The following WDR90 variants were observed in gnomAD, a reference collection of about 807,000 sequenced individuals.
WDR90 encodes the protein WD repeat domain 90, also known as WD repeat-containing protein 90.
Under a neutral mutation model 195.2 loss-of-function variants are expected in WDR90, and 238 were observed. The observed-to-expected ratio is 1.22, with a 90% CI of 1.10 to 1.36. The LOEUF (loss-of-function observed/expected upper bound fraction) is 1.36. Ranked by LOEUF, WDR90 falls within the 40% of genes most tolerant of loss-of-function variation. The pLI, the probability that WDR90 is intolerant of heterozygous loss-of-function variation, is 0.00. For synonymous variants in WDR90, 1,265 were observed against 1,052.4 expected (o/e 1.20, Z -3.91); for missense variants, 2,734 against 2,439.5 (o/e 1.12, Z -2.54).
Position 655,456 on chromosome 16 carries a change from C to G in WDR90, c.1706C>G (p.Ser569Trp). The G allele has an allele frequency of 6.5e-7, 1 of 1,538,392 alleles. No homozygotes were observed. The highest frequency in any genetic ancestry group is 8.7e-7 in the Non-Finnish European group (1 of 1,144,452). ...GCCCGGGACGGCTGCCCGGAGCCCT[C>G]GGCTGCCATGCTGTGAGTCCCTGCC... ...KQARDGCPEP[S>W]AAMLFVCSRS... The change falls in exon 15 of 41, where the codon TCG becomes TGG. Residue 569 changes from serine to tryptophan, a missense_variant. Ser to Trp is a radical substitution (Grantham distance 177). Transcript: ENST00000293879.
At chr16:652,690 C>A (rs1435357464) in intron 10 of WDR90, among the ~76,000 whole-genome samples, 155 bp downstream of exon 10, 17 of 152,244 alleles carry the variant, frequency 1.1e-4, no homozygotes, top group Admixed American at 1.1e-3. Flanking sequence ...CTGCAGTCCG[C>A]TGCTTCCCGC....
At position 650,616 on chromosome 16, in the gene WDR90, C is replaced by G. The variant is rs1567213631; in HGVS notation, c.466C>G (p.Leu156Val). The change falls in exon 5 of 41, where the codon CTG becomes GTG. Residue 156 changes from leucine to valine, a missense_variant. Transcript: ENST00000293879. ...LDLQDVLLVY[L>V]NRCYGHLKSI... ...TCTGCAGGACGTTCTCCTGGTCTACCTGAACCGGTGCTACGGCCATCTCAA... is the reference window on the plus strand; with the variant it reads ...TCTGCAGGACGTTCTCCTGGTCTACGTGAACCGGTGCTACGGCCATCTCAA... The G allele has an allele frequency of 6.2e-7, 1 of 1,612,704 alleles. No individual in the cohort carries two copies. Among genetic ancestry groups the G allele is most frequent in the African/African-American group, 1.3e-5 (1 of 74,920 alleles).
chr16:656,233 A>C, intron 17 of WDR90, 69 bp from the exon 18 acceptor site: 1 of 1,419,958 alleles, frequency 7.0e-7, no homozygotes, highest in East Asian at 2.4e-5. Context: ...GGTGTCGGGG[A>C]CCCGAAGCCT....
chr16:667,485 G>T lies in WDR90; in HGVS notation c.5143G>T (p.Gly1715Cys), dbSNP rs527771278. 6.2e-7 allele frequency: 1 copy of T among 1,610,714 alleles called. No individual in the cohort carries two copies. Among genetic ancestry groups the T allele is most frequent in the South Asian group, 1.1e-5 (1 of 91,054 alleles). ...CATGGGGACTGCCCAAGACTTTGCCGGCCACGACAACGCAGTGCACCTGTG... is the reference window on the plus strand; with the variant it reads ...CATGGGGACTGCCCAAGACTTTGCCTGCCACGACAACGCAGTGCACCTGTG... ...CAMGTAQDFA[G>C]HDNAVHLCRF... Residue 1715 changes from glycine (G) to cysteine (C), a missense_variant, in exon 41 of 41, where the codon GGC becomes TGC. Transcript: ENST00000293879.
chr16:650,339 T>G lies in WDR90; in HGVS notation c.365T>G (p.Leu122Arg). 6.2e-7 allele frequency: 1 copy of G among 1,612,828 alleles called. No homozygotes were observed. The highest frequency in any genetic ancestry group is 8.5e-7 in the Non-Finnish European group (1 of 1,179,914). ...TATWLQFPLV[L>R]EARTPQRDLV... The stretch of plus-strand genomic sequence containing the variant: ...ACGTGGCTCCAGTTTCCCTTGGTCC[T>G]GGAGGCCAGGACACCTCAGAGAGGT... Residue 122 changes from leucine (L) to arginine (R), a missense_variant, in exon 4 of 41, where the codon CTG becomes CGG. Coordinates refer to ENST00000293879, the MANE Select transcript of WDR90 (RefSeq NM_145294.5).
At chr16:658,688 C>T (rs1236489817) in intron 23 of WDR90, 35 bp downstream of exon 23, 3 of 1,594,904 alleles carry the variant, frequency 1.9e-6, no homozygotes, top group South Asian at 1.1e-5. Flanking sequence ...CTTTGGCGGT[C>T]AGGAGCCTCC....
chr16:661,455 G>T lies in WDR90; in HGVS notation c.3627G>T (p.Val1209=). ...TCATTTTCCCCCATAGCACCACCGTGCTGGCCCTGGCCTTCTCACCAGATG... is the reference window on the plus strand; with the variant it reads ...TCATTTTCCCCCATAGCACCACCGTTCTGGCCCTGGCCTTCTCACCAGATG... ...QHLIFPHSTT[V]LALAFSPDDR... Residue 1209 remains valine, a synonymous_variant, in exon 30 of 41, where the codon GTG becomes GTT. Transcript: ENST00000293879. 1.2e-6 allele frequency: 2 copies of T among 1,612,028 alleles called. No individual in the cohort carries two copies. Among genetic ancestry groups the T allele is most frequent in the South Asian group, 1.1e-5 (1 of 90,982 alleles).
chr16:653,817 G>A lies in WDR90; in HGVS notation c.1437+14G>A. The stretch of plus-strand genomic sequence containing the variant: ...CACGGGAGGACGGTAACAGGGCCCT[G>A]GCTGCGGGTTGGGGTGGGGCTGTCC... On this transcript the variant is annotated intron_variant, in intron 13 of 40. Transcript: ENST00000293879. The A allele has an allele frequency of 6.2e-7, 1 of 1,613,018 alleles. No homozygotes were observed. Among genetic ancestry groups the A allele is most frequent in the East Asian group, 2.2e-5 (1 of 44,882 alleles).
intron 13 of WDR90, 121 bp downstream of exon 13, chr16:653,924 C>G: frequency 1.5e-6 from 2 of 1,292,240 alleles, no homozygotes; most frequent in Non-Finnish European, 2.1e-6. Flanking sequence ...TCTGTGTCCT[C>G]CCTGTGGTGG....
chr16:657,071 G>C lies in WDR90; in HGVS notation c.2343-20G>C. 1.3e-6 allele frequency: 2 copies of C among 1,595,678 alleles called. No individual in the cohort carries two copies. Among genetic ancestry groups the C allele is most frequent in the South Asian group, 2.2e-5 (2 of 89,092 alleles). On this transcript the variant is annotated intron_variant, in intron 19 of 40. Transcript: ENST00000293879. Reference sequence around the variant, plus strand: ...TGGGCTTCGGGGCTAGGGCCAGCGGGGTCCCTGTGTGTGCTGCAGGTGCCA... The same window carrying C: ...TGGGCTTCGGGGCTAGGGCCAGCGGCGTCCCTGTGTGTGCTGCAGGTGCCA...
upstream of WDR90, chr16:649,343 G>A: frequency 7.6e-7 from 1 of 1,317,906 alleles, no homozygotes. Context: ...CCAGGCAGCC[G>A]TTGCCTGGCG....
rs562580709 is a variant in WDR90, at chr16:658,585, C to T, written c.2827C>T (p.Leu943=). ...GACGCTCAGTGAGGACGCCCGCTTC[C>T]TGCTGATTGCCGCCGGCCGGACCAT... ...SLTLSEDARF[L]LIAAGRTIKV... The change falls in exon 23 of 41, where the codon CTG becomes TTG. Residue 943 remains leucine, a synonymous_variant. Coordinates refer to ENST00000293879, the MANE Select transcript of WDR90 (RefSeq NM_145294.5). The T allele has an allele frequency of 2.5e-6, 4 of 1,612,764 alleles. No homozygotes were observed. The highest frequency in any genetic ancestry group is 1.1e-5 in the South Asian group (1 of 91,088).
chr16:663,982 C>T (rs771662930), intron 34 of WDR90, among the ~76,000 whole-genome samples: 16 of 152,172 alleles, frequency 1.1e-4, no homozygotes, highest in Non-Finnish European at 2.2e-4. Flanking sequence ...TCCCATCATC[C>T]AGTTGCCCCT....
intron 34 of WDR90, chr16:665,450 C>T (rs992282716): frequency 1.6e-5 from 10 of 635,028 alleles, no homozygotes; most frequent in African/African-American, 5.5e-5. Context: ...GGTATCCCGC[C>T]GGGTTTGACT....
chr16:657,324 C>A, intron 20 of WDR90, 103 bp downstream of exon 20: 1 of 1,428,706 alleles, frequency 7.0e-7, no homozygotes, highest in South Asian at 1.5e-5. Flanking sequence ...CCTGGTGCAC[C>A]GACTGGGTCC....
chr16:653,191 CTT>C, intron 10 of WDR90, 148 bp from the exon 11 acceptor site: 1 of 616,966 alleles, frequency 1.6e-6, no homozygotes, highest in Admixed American at 3.1e-5. Context: ...TGTGTTCTCT[CTT>C]GCCCCTGGGT....
At chr16:666,402 A>G (rs1477074733) in intron 37 of WDR90, 52 bp downstream of exon 37, 13 of 1,609,470 alleles carry the variant, frequency 8.1e-6, no homozygotes, top group Non-Finnish European at 9.3e-6. Flanking sequence ...TGGTGGGGGC[A>G]GGCACCATCT....
At position 665,804 on chromosome 16, in the gene WDR90, G is replaced by A. The variant is rs752320150; in HGVS notation, c.4434+3G>A. On this transcript the variant is annotated splice_donor_region_variant and intron_variant, in intron 35 of 40. Coordinates refer to ENST00000293879, the MANE Select transcript of WDR90 (RefSeq NM_145294.5). ...TCCAGTTCCAGGTGCTGAACCAGGT[G>A]TGTGGGGAGTGCCCGGGCCGGGGGC... is the stretch of plus-strand genomic sequence containing the variant. The A allele has an allele frequency of 9.5e-6, 15 of 1,580,956 alleles. No homozygotes were observed. The South Asian group carries it at 1.5e-4, about 16-fold the overall frequency.
At chr16:657,338 G>A in intron 20 of WDR90, 117 bp downstream of exon 20, 1 of 1,400,012 alleles carries the variant, frequency 7.1e-7, no homozygotes, top group Non-Finnish European at 9.4e-7. Flanking sequence ...TGGGTCCTGT[G>A]GGGGGGCGTG....
Sources: allele counts gnomAD v4.1 joint callset (sites outside exome capture counted in the v4.1 genomes callset), GRCh38; gene constraint gnomAD v4.1.1; transcripts MANE v1.5; gene names NCBI Gene and HGNC (gene_info 2026-07-23, HGNC 2026-07-21).